The following SBF2 variants were observed in gnomAD, a reference collection of about 807,000 sequenced individuals.
SBF2 encodes the protein myotubularin-related protein 13.
Under a neutral mutation model 225.2 loss-of-function variants are expected in SBF2, and 112 were observed. The ratio of observed to expected loss-of-function variants is 0.50; its 90% CI spans 0.43 to 0.58. The LOEUF (loss-of-function observed/expected upper bound fraction) is 0.58, where lower values mean the gene tolerates loss of function less well. SBF2 is among the 20% of genes least tolerant of loss of function. The pLI, the probability that SBF2 is intolerant of heterozygous loss-of-function variation, is 0.00. For missense variants in SBF2, 1,996 were observed against 2,206.2 expected, an observed-to-expected ratio of 0.90 and a Z score of 1.91; for synonymous variants, 763 against 773.3, an observed-to-expected ratio of 0.99 and a Z score of 0.22.
intron 1 of SBF2, among the ~76,000 whole-genome samples, chr11:10,221,812 C>G (rs560329987): frequency 6.6e-6 from 1 of 152,326 alleles, no homozygotes; most frequent in East Asian, 1.9e-4. Context: ...AATTTCCCAT[C>G]TACAACTTTT....
chr11:9,866,383 T>A lies in SBF2; in HGVS notation c.1930-7987A>T, dbSNP rs115398727. Reference sequence around the variant, plus strand: ...TGGTACTGCCATAAAAACAGACTCATTGACTAAAAAAACAGAATAGGGAAC... The same window carrying A: ...TGGTACTGCCATAAAAACAGACTCAATGACTAAAAAAACAGAATAGGGAAC... On this transcript the variant is annotated intron_variant, in intron 17 of 39. Transcript: ENST00000256190. Among the ~76,000 whole-genome samples, 771 of 152,106 alleles carry A rather than the reference T, an allele frequency of 5.1e-3. 7 individuals are homozygous for A. Among genetic ancestry groups the A allele is most frequent in the African/African-American group, 0.018 (736 of 41,506 alleles).
intron 29 of SBF2, among the ~76,000 whole-genome samples, chr11:9,816,559 T>G (rs1443023960): frequency 6.6e-6 from 1 of 152,196 alleles, no homozygotes; most frequent in Non-Finnish European, 1.5e-5. Flanking sequence ...CTTTTTTTTG[T>G]ATGTATGTAC....
intron 2 of SBF2, among the ~76,000 whole-genome samples, chr11:10,173,844 T>TCCCTGAC (rs1211851707): frequency 6.6e-6 from 1 of 151,016 alleles, no homozygotes; most frequent in South Asian, 2.1e-4. Flanking sequence ...CTCAAGTGGG[T>TCCCTGAC]CCCTGACCCC....
At chr11:10,232,239 G>A (rs2083716) in intron 1 of SBF2, among the ~76,000 whole-genome samples, 57,210 of 152,104 alleles carry the variant, frequency 0.38, 11,569 homozygotes, top group East Asian at 0.49. Context: ...GGGAATTCCC[G>A]ACCCCTTGTA....
chr11:10,262,376 G>GA (rs1286804262), intron 1 of SBF2, among the ~76,000 whole-genome samples: 1 of 151,924 alleles, frequency 6.6e-6, no homozygotes, highest in Non-Finnish European at 1.5e-5. Flanking sequence ...TGTTGTAGAG[G>GA]AAAAAAAGCC....
intron 2 of SBF2, among the ~76,000 whole-genome samples, chr11:10,167,749 G>A (rs1037993213): frequency 2.0e-5 from 3 of 152,236 alleles, no homozygotes; most frequent in Non-Finnish European, 4.4e-5. Flanking sequence ...CAAGCACGGT[G>A]GCTCATGCCT....
chr11:10,046,561 T>C (rs2134695044), intron 2 of SBF2, among the ~76,000 whole-genome samples: 1 of 151,826 alleles, frequency 6.6e-6, no homozygotes, highest in Middle Eastern at 3.4e-3. Flanking sequence ...CAAAATCCAA[T>C]ACCTATTGAT....
chr11:9,917,366 C>T (rs1272935559), intron 16 of SBF2, among the ~76,000 whole-genome samples: 2 of 151,568 alleles, frequency 1.3e-5, no homozygotes, highest in African/African-American at 4.9e-5. Context: ...GAATCTCCCT[C>T]TGTCACCCAG....
chr11:9,918,001 C>T lies in SBF2; in HGVS notation c.1861-21990G>A, dbSNP rs118176679. ...TCCATCACATCATACCCTACGATTCCATCACATATGAACTTGATGCCTGCA... is the reference window on the plus strand; with the variant it reads ...TCCATCACATCATACCCTACGATTCTATCACATATGAACTTGATGCCTGCA... On this transcript the variant is annotated intron_variant, in intron 16 of 39. Coordinates refer to ENST00000256190, the MANE Select transcript of SBF2 (RefSeq NM_030962.4). 2.0e-3 allele frequency among the ~76,000 whole-genome samples: 300 copies of T among 151,788 alleles called. 1 individual carries two copies. Among genetic ancestry groups the T allele is most frequent in the Non-Finnish European group, 3.6e-3 (242 of 68,012 alleles).
chr11:10,290,645 C>T (rs765717855), intron 1 of SBF2, among the ~76,000 whole-genome samples: 3 of 152,060 alleles, frequency 2.0e-5, no homozygotes, highest in African/African-American at 4.8e-5. Context: ...TTCAGGATAA[C>T]AGAAGCCAGA....
Position 10,272,212 on chromosome 11 carries a change from C to T in SBF2, c.55+21803G>A. The T allele has an allele frequency of 1.1e-5, 12 of 1,065,156 alleles. 4 individuals carry two copies. Among genetic ancestry groups the T allele is most frequent in the South Asian group, 1.6e-5 (1 of 63,084 alleles). 66.0% of individuals were successfully genotyped at this position (1,065,156 alleles called of 1,614,324 possible). A position where few individuals can be genotyped will look rare whatever the true frequency, so the allele number is the denominator to read the frequency against. On this transcript the variant is annotated intron_variant, in intron 1 of 39. Coordinates refer to ENST00000256190, the MANE Select transcript of SBF2 (RefSeq NM_030962.4). ...TCTCCACGCCAGCCTCCAACTTGAG[C>T]TGCTCTACCAAGAGCTGCAGGGCGC...
chr11:9,909,958 A>G (rs1862459698), intron 16 of SBF2, among the ~76,000 whole-genome samples: 1 of 152,238 alleles, frequency 6.6e-6, no homozygotes. Context: ...TGTTGGGCAG[A>G]AATATGGAAA....
chr11:9,817,742 CAAAAAAAAAAAA>C (rs1161708572), intron 28 of SBF2, among the ~76,000 whole-genome samples: 1 of 57,326 alleles, frequency 1.7e-5, no homozygotes, highest in East Asian at 5.0e-4. Context: ...CCGTCTCTAC[CAAAAAAAAAAAA>C]AAAAAAAAAA....
At chr11:9,826,844 G>A (rs758446192) in intron 28 of SBF2, among the ~76,000 whole-genome samples, 1 of 151,194 alleles carries the variant, frequency 6.6e-6, no homozygotes, top group Non-Finnish European at 1.5e-5. Context: ...GAGTGATCTC[G>A]GCTCATTTTG....
chr11:10,146,521 T>C (rs1434225099), intron 2 of SBF2, among the ~76,000 whole-genome samples: 3 of 152,194 alleles, frequency 2.0e-5, no homozygotes, highest in Non-Finnish European at 4.4e-5. Flanking sequence ...GCTAGCCGTA[T>C]GCAGAAAATT....
In SBF2 at chr11:10,054,476, T is replaced by C. The variant is rs565956295; in HGVS notation, c.142-11495A>G. 7.2e-5 allele frequency among the ~76,000 whole-genome samples: 11 copies of C among 152,316 alleles called. No homozygotes were observed. The East Asian group carries it at 2.1e-3, about 29-fold the overall frequency. On this transcript the variant is annotated intron_variant, in intron 2 of 39. Coordinates refer to ENST00000256190, the MANE Select transcript of SBF2 (RefSeq NM_030962.4). ...TGAATATTTTGGTATATCAGTCTCA[T>C]GAACAGATTAAGGCTTTACATTTAA...
chr11:9,913,889 A>G (rs1204299472), intron 16 of SBF2, among the ~76,000 whole-genome samples: 1 of 152,190 alleles, frequency 6.6e-6, no homozygotes, highest in Non-Finnish European at 1.5e-5. Context: ...TTAAGTAGAG[A>G]CAGGGTCTCA....
At chr11:10,041,769 C>T (rs1949665364) in intron 3 of SBF2, among the ~76,000 whole-genome samples, 1 of 149,338 alleles carries the variant, frequency 6.7e-6, no homozygotes, top group Admixed American at 6.7e-5. Context: ...TAAGCCATTT[C>T]AGAAAGCAGG....
chr11:9,906,313 T>C (rs996909322), intron 16 of SBF2, among the ~76,000 whole-genome samples: 16 of 152,200 alleles, frequency 1.1e-4, no homozygotes, highest in African/African-American at 3.6e-4. Context: ...GTAATGACAC[T>C]GTCCAAACTT....
Sources: gnomAD v4.1 joint callset for allele counts (sites outside exome capture counted in the v4.1 genomes callset) on GRCh38, gnomAD v4.1.1 for gene constraint, MANE v1.5 for transcripts, NCBI Gene and HGNC (gene_info 2026-07-23, HGNC 2026-07-21) for gene names.